Variants in SLC30A6 observed in about 807,000 individuals in gnomAD.
The protein encoded by SLC30A6 is solute carrier family 30 member 6.
Under a neutral mutation model 63.0 loss-of-function variants are expected in SLC30A6, and 55 were observed. The ratio of observed to expected loss-of-function variants is 0.87; its 90% confidence interval spans 0.70 to 1.09. The LOEUF (loss-of-function observed/expected upper bound fraction) is 1.09, where lower values mean the gene tolerates loss of function less well. Ranked by LOEUF, SLC30A6 falls within the 50% of genes least tolerant of loss-of-function variation. The pLI, the probability that SLC30A6 is intolerant of heterozygous loss-of-function variation, is 0.00. For synonymous variants in SLC30A6, 224 were observed against 186.1 expected, an observed-to-expected ratio of 1.20 and a Z score of -1.66; for missense variants, 587 against 549.2, an observed-to-expected ratio of 1.07 and a Z score of -0.69.
At chr2:32,170,503 A>G (rs1427630366) in intron 1 of SLC30A6, among the ~76,000 whole-genome samples, 1 of 152,084 alleles carries the variant, frequency 6.6e-6, no homozygotes, top group Non-Finnish European at 1.5e-5. Flanking sequence ...CAAACTAACT[A>G]TACACTAGCA....
intron 13 of SLC30A6, among the ~76,000 whole-genome samples, chr2:32,218,176 T>C (rs1685867735): frequency 6.6e-6 from 1 of 152,048 alleles, no homozygotes; most frequent in Non-Finnish European, 1.5e-5. Context: ...ATCCCAGCAC[T>C]TTGGGAGGCT....
rs1271928336 is a variant in SLC30A6, at chr2:32,187,768, G to A, written c.284+3430G>A. ...CAGTAAATACCATCAGCACTCTGTT[G>A]CTCAAACAAAAAATTCTGGGAATTT... is the stretch of plus-strand genomic sequence containing the variant. On this transcript the variant is annotated intron_variant, in intron 5 of 13. Coordinates refer to ENST00000282587, the MANE Select transcript of SLC30A6 (RefSeq NM_017964.5). Among the ~76,000 whole-genome samples, 12 of 152,124 alleles carry A rather than the reference G, an allele frequency of 7.9e-5. No homozygotes were observed. The East Asian group carries it at 2.3e-3, about 29-fold the overall frequency.
At chr2:32,204,115 A>G (rs1330373717) in intron 10 of SLC30A6, 2 of 402,910 alleles carry the variant, frequency 5.0e-6, no homozygotes, top group Non-Finnish European at 8.8e-6. Context: ...TTGCAAATAA[A>G]TTGGTCATAT....
At chr2:32,185,889 T>G (rs1467691292) in intron 5 of SLC30A6, among the ~76,000 whole-genome samples, 1 of 147,856 alleles carries the variant, frequency 6.8e-6, no homozygotes, top group Non-Finnish European at 1.5e-5. Context: ...CTGGCTCAGT[T>G]TTTTTTTTTT....
chr2:32,218,210 T>C (rs1052645520), intron 13 of SLC30A6, among the ~76,000 whole-genome samples: 17 of 152,028 alleles, frequency 1.1e-4, no homozygotes, highest in Non-Finnish European at 2.2e-4. Context: ...CGCTTGAACC[T>C]AGGAGTTCGA....
chr2:32,174,060 C>G lies in SLC30A6; in HGVS notation c.91-3C>G. On this transcript the variant is annotated splice_polypyrimidine_tract_variant and splice_region_variant and intron_variant, in intron 2 of 13. Coordinates refer to ENST00000282587, the MANE Select transcript of SLC30A6 (RefSeq NM_017964.5). ...CACATAAGAGTGATTTTTATTTTCA[C>G]AGTCCTGGAAGATACTGCTCTTTGG... is the stretch of plus-strand genomic sequence containing the variant. The G allele has an allele frequency of 6.2e-7, 1 of 1,609,958 alleles. No individual in the cohort carries two copies. Among genetic ancestry groups the G allele is most frequent in the Non-Finnish European group, 8.5e-7 (1 of 1,178,006 alleles).
chr2:32,202,175 G>A (rs1429283279), intron 10 of SLC30A6: 2 of 772,348 alleles, frequency 2.6e-6, no homozygotes, highest in Non-Finnish European at 4.1e-6. Flanking sequence ...AAAGGTTGAG[G>A]GGTAACATCT....
chr2:32,213,795 A>AT (rs1430974062), intron 13 of SLC30A6, among the ~76,000 whole-genome samples: 5 of 92,574 alleles, frequency 5.4e-5, no homozygotes, highest in Admixed American at 1.3e-4. Context: ...TCTAGGATAA[A>AT]CTTTTTTTTT....
intron 1 of SLC30A6, among the ~76,000 whole-genome samples, chr2:32,166,551 A>T (rs1680676572): frequency 6.6e-6 from 1 of 152,264 alleles, no homozygotes; most frequent in Non-Finnish European, 1.5e-5. Context: ...TGTTAGAATT[A>T]GTCATTCTTT....
chr2:32,211,774 C>T (rs975781046), intron 13 of SLC30A6, among the ~76,000 whole-genome samples: 2 of 151,938 alleles, frequency 1.3e-5, no homozygotes, highest in African/African-American at 2.4e-5. Flanking sequence ...CGCACCACCA[C>T]GCCCAGCTAA....
intron 13 of SLC30A6, among the ~76,000 whole-genome samples, chr2:32,216,923 C>G (rs1167033312): frequency 6.6e-6 from 1 of 151,930 alleles, no homozygotes; most frequent in Non-Finnish European, 1.5e-5. Context: ...AAGTCTAGCT[C>G]TGTCACCCAG....
Position 32,167,005 on chromosome 2 carries a change from CAAGAT to C in SLC30A6, c.3+1105_3+1109del, listed in dbSNP as rs374964374. Among the ~76,000 whole-genome samples the C allele has an allele frequency of 4.0e-5, 6 of 151,762 alleles. No individual in the cohort carries two copies. In the South Asian group the frequency reaches 1.2e-3, roughly 31 times the overall value. ...TCCTTTTTTTTTTTTCTGTAGCACT[CAAGAT>C]AAAGTCCTGTTTAGCATGGCATACA... On this transcript the variant is annotated intron_variant, in intron 1 of 13. Coordinates refer to ENST00000282587, the MANE Select transcript of SLC30A6 (RefSeq NM_017964.5).
intron 10 of SLC30A6, 112 bp downstream of exon 10, chr2:32,197,938 T>G: frequency 7.8e-7 from 1 of 1,276,822 alleles, no homozygotes; most frequent in Non-Finnish European, 1.1e-6. Context: ...TTATGTCCTG[T>G]GTAACTTAGA....
intron 2 of SLC30A6, 130 bp downstream of exon 2, chr2:32,171,503 A>G: frequency 1.6e-6 from 1 of 643,656 alleles, no homozygotes. Flanking sequence ...TCTATGTTGG[A>G]AAAGTATTTT....
intron 2 of SLC30A6, 85 bp downstream of exon 2, chr2:32,171,458 A>C: frequency 9.7e-7 from 1 of 1,032,962 alleles, no homozygotes; most frequent in East Asian, 2.5e-5. Context: ...GGCCAATAGA[A>C]ATCACTCCTG....
chr2:32,209,459 G>T, intron 12 of SLC30A6, 34 bp from the exon 13 acceptor site: 2 of 1,557,568 alleles, frequency 1.3e-6, no homozygotes, highest in Non-Finnish European at 1.7e-6. Flanking sequence ...GTTAAGTACA[G>T]ACAACTCTGA....
chr2:32,215,942 T>C (rs952656108), intron 13 of SLC30A6, among the ~76,000 whole-genome samples: 1 of 152,124 alleles, frequency 6.6e-6, no homozygotes, highest in Non-Finnish European at 1.5e-5. Context: ...CCAACCTAGG[T>C]GCCCATCAAT....
chr2:32,197,696 T>C lies in SLC30A6; in HGVS notation c.546-11T>C. 6.2e-7 allele frequency: 1 copy of C among 1,613,912 alleles called. No homozygotes were observed. The highest frequency in any genetic ancestry group is 8.5e-7 in the Non-Finnish European group (1 of 1,179,948). ...TGCTAATGGATACTCTTTCTGTTTG[T>C]TTTTTCTTAGCTTGTGTGGAATTAT... is the stretch of plus-strand genomic sequence containing the variant. On this transcript the variant is annotated splice_polypyrimidine_tract_variant and intron_variant, in intron 9 of 13. Coordinates refer to ENST00000282587, the MANE Select transcript of SLC30A6 (RefSeq NM_017964.5).
At chr2:32,207,989 G>T (rs212684) in intron 12 of SLC30A6, among the ~76,000 whole-genome samples, 6 of 151,160 alleles carry the variant, frequency 4.0e-5, no homozygotes, top group Non-Finnish European at 7.4e-5. Context: ...TGAGCCACCA[G>T]GCCCGGCCTA....
Sources: gnomAD v4.1 joint callset for allele counts (sites outside exome capture counted in the v4.1 genomes callset) on GRCh38, gnomAD v4.1.1 for gene constraint, MANE v1.5 for transcripts, NCBI Gene and HGNC (gene_info 2026-07-23, HGNC 2026-07-21) for gene names.